The following EPB41L5 variants were observed in gnomAD, a reference collection of about 807,000 sequenced individuals.
The protein encoded by EPB41L5 is band 4.1-like protein 5.
Under a neutral mutation model 106.6 loss-of-function variants are expected in EPB41L5, and 55 were observed. The observed-to-expected ratio is 0.52, with a 90% CI of 0.42 to 0.65. The LOEUF is 0.65. EPB41L5 is among the 30% of genes least tolerant of loss of function. EPB41L5 has a pLI of 0.00. For synonymous variants in EPB41L5, 297 were observed against 306.7 expected (o/e 0.97, Z 0.33); for missense variants, 871 against 882.1 (o/e 0.99, Z 0.16).
chr2:120,146,528 C>T (rs547574159), intron 20 of EPB41L5, among the ~76,000 whole-genome samples: 47 of 152,304 alleles, frequency 3.1e-4, no homozygotes, highest in Non-Finnish European at 5.9e-4. Flanking sequence ...GAGCAGAAAC[C>T]GTCTTAAAGA....
chr2:120,017,801 C>T (rs1217487009), intron 1 of EPB41L5, among the ~76,000 whole-genome samples: 1 of 152,018 alleles, frequency 6.6e-6, no homozygotes, highest in Non-Finnish European at 1.5e-5. Context: ...AATGGAACTT[C>T]TCAGGATTTT....
chr2:120,033,931 C>T (rs1202031917), intron 2 of EPB41L5, among the ~76,000 whole-genome samples: 2 of 151,552 alleles, frequency 1.3e-5, no homozygotes, highest in Non-Finnish European at 2.9e-5. Context: ...TCTGTCTCTA[C>T]AGAAAAAGTA....
At chr2:120,134,187 G>GA (rs112200896) in intron 18 of EPB41L5, among the ~76,000 whole-genome samples, 1 of 152,054 alleles carries the variant, frequency 6.6e-6, no homozygotes, top group African/African-American at 2.4e-5. Context: ...TGGCCATGGG[G>GA]AGAGACACCT....
Position 120,041,992 on chromosome 2 carries a change from T to TTGATTTA in EPB41L5, c.181-14_181-13insTGATTTA. 6.3e-7 allele frequency: 1 copy of TTGATTTA among 1,588,004 alleles called. No individual in the cohort carries two copies. Among genetic ancestry groups the TTGATTTA allele is most frequent in the African/African-American group, 1.3e-5 (1 of 74,478 alleles). Reference sequence around the variant, plus strand: ...AAACCACTTATTGATTTACTTATTATCTTGCCATTTCAGAAAAAAGCCAAA... The same window carrying TTGATTTA: ...AAACCACTTATTGATTTACTTATTATTGATTTACTTGCCATTTCAGAAAAAAGCCAAA... On this transcript the variant is annotated splice_polypyrimidine_tract_variant and intron_variant, in intron 2 of 24. Coordinates refer to ENST00000263713, the MANE Select transcript of EPB41L5 (RefSeq NM_020909.4).
In EPB41L5 at chr2:120,120,030, T is replaced by G. The variant is rs115392434; in HGVS notation, c.1338-7658T>G. 1.6e-3 allele frequency among the ~76,000 whole-genome samples: 245 copies of G among 152,282 alleles called. 1 individual carries two copies. Among genetic ancestry groups the G allele is most frequent in the Admixed American group, 6.0e-3 (92 of 15,300 alleles). ...TCCATCTACATGACTATTTGACCAGTTTAGAATACAAATAAATATGCTCCA... is the reference window on the plus strand; with the variant it reads ...TCCATCTACATGACTATTTGACCAGGTTAGAATACAAATAAATATGCTCCA... On this transcript the variant is annotated intron_variant, in intron 16 of 24. Transcript: ENST00000263713.
At chr2:120,131,761 T>C (rs772510153) in intron 18 of EPB41L5, 46 bp downstream of exon 18, 110 of 1,348,676 alleles carry the variant, frequency 8.2e-5, no homozygotes, top group Non-Finnish European at 1.0e-4. Context: ...TCTCCAGAGC[T>C]CCCAGAAATA....
intron 16 of EPB41L5, chr2:120,104,041 C>A: frequency 6.6e-7 from 1 of 1,513,648 alleles, no homozygotes; most frequent in Admixed American, 2.1e-5. Flanking sequence ...TGCTCCCCTC[C>A]CACTCCCCAA....
intron 19 of EPB41L5, among the ~76,000 whole-genome samples, chr2:120,144,686 C>T (rs1026069942): frequency 6.6e-6 from 1 of 152,158 alleles, no homozygotes; most frequent in Admixed American, 6.5e-5. Flanking sequence ...TCTTATGAGA[C>T]TAGTGTCACC....
chr2:120,174,745 A>C (rs1687858277), intron 24 of EPB41L5, 96 bp from the exon 25 acceptor site: 1 of 1,013,316 alleles, frequency 9.9e-7, no homozygotes, highest in Non-Finnish European at 1.6e-6. Flanking sequence ...AATCTGCTGT[A>C]CCCTCAAAAT....
chr2:120,099,343 GGTTT>G (rs1683988936), intron 14 of EPB41L5, among the ~76,000 whole-genome samples: 1 of 38,502 alleles, frequency 2.6e-5, no homozygotes, highest in Non-Finnish European at 7.0e-5. Flanking sequence ...GTAGTTTCTG[GGTTT>G]TTTTTTTTGT....
intron 21 of EPB41L5, among the ~76,000 whole-genome samples, chr2:120,162,363 C>T (rs976206099): frequency 3.3e-5 from 5 of 152,216 alleles, no homozygotes; most frequent in African/African-American, 1.2e-4. Context: ...TGCATGAACA[C>T]TTACCATTTG....
intron 19 of EPB41L5, among the ~76,000 whole-genome samples, chr2:120,145,758 C>T (rs1350635507): frequency 6.6e-6 from 1 of 152,102 alleles, no homozygotes; most frequent in South Asian, 2.1e-4. Flanking sequence ...ATTGACTGAC[C>T]TACATGGTGA....
At chr2:120,166,471 T>C (rs912773983) in intron 22 of EPB41L5, among the ~76,000 whole-genome samples, 3 of 152,082 alleles carry the variant, frequency 2.0e-5, no homozygotes, top group East Asian at 1.9e-4. Context: ...TTTTTTTTTT[T>C]TGAGATGGAG....
intron 20 of EPB41L5, among the ~76,000 whole-genome samples, chr2:120,146,787 C>G (rs1463189745): frequency 6.6e-6 from 1 of 152,194 alleles, no homozygotes; most frequent in Non-Finnish European, 1.5e-5. Flanking sequence ...TGGCCATTGA[C>G]TTTCTTCACC....
At chr2:120,013,486 T>TTAA in intron 1 of EPB41L5, 1 of 150,950 alleles carries the variant, frequency 6.6e-6, no homozygotes, top group Admixed American at 6.6e-5. Context: ...GGCAGCCGGG[T>TTAA]TAATGTTTGC....
chr2:120,068,571 A>G (rs971572475), intron 3 of EPB41L5, among the ~76,000 whole-genome samples: 2 of 152,240 alleles, frequency 1.3e-5, no homozygotes, highest in Non-Finnish European at 2.9e-5. Context: ...TTCCCCTCAC[A>G]GTATAAACAA....
rs1169608398 is a variant in EPB41L5 at position 120,164,822 on chromosome 2, C to G, written c.1888-14C>G. On this transcript the variant is annotated splice_polypyrimidine_tract_variant and intron_variant, in intron 21 of 24. Transcript: ENST00000263713. ...AGGGGTCATTTAACAATTCTAGATT[C>G]CTGTCTTCCATAGGAAGCTACAGAT... is the stretch of plus-strand genomic sequence containing the variant. 2 of 1,588,792 alleles carry G rather than the reference C, an allele frequency of 1.3e-6. No individual in the cohort carries two copies. Among genetic ancestry groups the G allele is most frequent in the African/African-American group, 2.7e-5 (2 of 73,716 alleles).
At chr2:120,103,991 T>G in intron 16 of EPB41L5, 1 of 1,444,700 alleles carries the variant, frequency 6.9e-7, no homozygotes, top group Non-Finnish European at 9.1e-7. Flanking sequence ...CTTTATTGTC[T>G]CTTACACATC....
chr2:120,131,479 T>A, intron 17 of EPB41L5, 139 bp from the exon 18 acceptor site: 1 of 611,640 alleles, frequency 1.6e-6, no homozygotes, highest in East Asian at 2.7e-5. Flanking sequence ...AAAATATATT[T>A]ATTTTGTGTT....
Sources: gnomAD v4.1 joint callset for allele counts (sites outside exome capture counted in the v4.1 genomes callset) on GRCh38, gnomAD v4.1.1 for gene constraint, MANE v1.5 for transcripts, NCBI Gene and HGNC (gene_info 2026-07-23, HGNC 2026-07-21) for gene names.